Variants in CLYBL observed in about 807,000 individuals in gnomAD.
CLYBL encodes the protein citramalyl-CoA lyase, mitochondrial.
Under a neutral mutation model 38.9 loss-of-function variants are expected in CLYBL, and 31 were observed. That is an observed-to-expected ratio of 0.80 (90% CI 0.60 to 1.08). CLYBL has a LOEUF of 1.08. Ranked by LOEUF, CLYBL falls within the 50% of genes least tolerant of loss-of-function variation. The probability of loss-of-function intolerance (pLI) is 0.00; values close to 1 mark genes in which losing one functional copy is unlikely to be tolerated. For synonymous variants in CLYBL, 171 were observed against 158.6 expected, an observed-to-expected ratio of 1.08 and a Z score of -0.59; for missense variants, 434 against 411.6, an observed-to-expected ratio of 1.05 and a Z score of -0.47.
chr13:99,661,847 T>C (rs556644820), intron 1 of CLYBL, among the ~76,000 whole-genome samples: 77 of 152,306 alleles, frequency 5.1e-4, no homozygotes, highest in African/African-American at 1.9e-3. Context: ...GATGTTAAAA[T>C]AGAATTAACA....
intron 1 of CLYBL, among the ~76,000 whole-genome samples, chr13:99,682,498 A>G (rs1156842812): frequency 6.6e-6 from 1 of 152,148 alleles, no homozygotes; most frequent in Non-Finnish European, 1.5e-5. Context: ...TACAGTAAAA[A>G]TACTGCATAA....
intron 1 of CLYBL, among the ~76,000 whole-genome samples, chr13:99,671,583 C>T (rs533071422): frequency 1.5e-4 from 23 of 152,126 alleles, no homozygotes; most frequent in Admixed American, 3.3e-4. Context: ...AGTTTGAGAC[C>T]GGCCTGGCCA....
At chr13:99,812,533 C>T (rs1003971308) in intron 2 of CLYBL, among the ~76,000 whole-genome samples, 11 of 152,298 alleles carry the variant, frequency 7.2e-5, no homozygotes, top group Non-Finnish European at 1.3e-4. Context: ...CCTCCCTGGA[C>T]CTCATCCATA....
At chr13:99,682,864 G>A (rs546147883) in intron 1 of CLYBL, among the ~76,000 whole-genome samples, 1 of 151,480 alleles carries the variant, frequency 6.6e-6, no homozygotes, top group South Asian at 2.1e-4. Context: ...AGCCTCCTGA[G>A]TAGCTGGCAC....
chr13:99,716,753 A>G (rs1371832015), intron 1 of CLYBL, among the ~76,000 whole-genome samples: 2 of 149,902 alleles, frequency 1.3e-5, no homozygotes, highest in Admixed American at 6.7e-5. Flanking sequence ...ATTATGTGGG[A>G]AACTTTCCCT....
At chr13:99,640,202 G>A (rs1004018726) in intron 1 of CLYBL, among the ~76,000 whole-genome samples, 4 of 152,044 alleles carry the variant, frequency 2.6e-5, no homozygotes, top group African/African-American at 9.7e-5. Flanking sequence ...TTCACACAAA[G>A]CCAATTGAAT....
intron 1 of CLYBL, among the ~76,000 whole-genome samples, chr13:99,610,720 G>A (rs879914042): frequency 2.0e-5 from 3 of 152,132 alleles, no homozygotes; most frequent in African/African-American, 7.2e-5. Flanking sequence ...TTCCTTAGCC[G>A]GTATACAGCC....
intron 1 of CLYBL, among the ~76,000 whole-genome samples, chr13:99,666,244 G>A (rs531315267): frequency 2.0e-5 from 3 of 152,324 alleles, no homozygotes; most frequent in South Asian, 4.1e-4. Context: ...GCAGGGAGGT[G>A]GAGGTGAACA....
At chr13:99,855,582 A>AGT (rs1158849406) in intron 2 of CLYBL, among the ~76,000 whole-genome samples, 1 of 152,176 alleles carries the variant, frequency 6.6e-6, no homozygotes, top group Admixed American at 6.5e-5. Context: ...CAAGAAGTAC[A>AGT]GTGTGTGTGG....
intron 1 of CLYBL, among the ~76,000 whole-genome samples, chr13:99,669,958 C>T (rs953171192): frequency 6.6e-6 from 1 of 151,872 alleles, no homozygotes; most frequent in African/African-American, 2.4e-5. Flanking sequence ...TTTGGAAGGC[C>T]GAGGCAGGCA....
chr13:99,870,645 C>G (rs1187063950), intron 6 of CLYBL, among the ~76,000 whole-genome samples: 1 of 152,126 alleles, frequency 6.6e-6, no homozygotes, highest in Non-Finnish European at 1.5e-5. Context: ...AACAAGCTGC[C>G]TAGTCAGCCC....
intron 1 of CLYBL, among the ~76,000 whole-genome samples, chr13:99,720,001 G>A (rs929260183): frequency 6.6e-6 from 1 of 151,532 alleles, no homozygotes; most frequent in African/African-American, 2.4e-5. Context: ...ATCAAATTTG[G>A]TTTTACTACC....
chr13:99,630,768 C>G (rs536643638), intron 1 of CLYBL, among the ~76,000 whole-genome samples: 1 of 152,074 alleles, frequency 6.6e-6, no homozygotes, highest in African/African-American at 2.4e-5. Context: ...TACAGTCTCC[C>G]GAGCTCTTTC....
At chr13:99,887,139 G>A (rs1331258682) in intron 7 of CLYBL, among the ~76,000 whole-genome samples, 2 of 152,190 alleles carry the variant, frequency 1.3e-5, no homozygotes, top group African/African-American at 4.8e-5. Context: ...AGTTCTCAAC[G>A]TGAATGTGCA....
At position 99,734,566 on chromosome 13, in the gene CLYBL, C is replaced by A. The variant is rs1416782642; in HGVS notation, c.63-38258C>A. Among the ~76,000 whole-genome samples, 4 of 152,134 alleles carry A rather than the reference C, an allele frequency of 2.6e-5. No homozygotes were observed. In the South Asian group the frequency reaches 8.3e-4, roughly 32 times the overall value. On this transcript the variant is annotated intron_variant, in intron 1 of 8. Coordinates refer to ENST00000339105, the MANE Select transcript of CLYBL (RefSeq NM_206808.5). ...ACTTACTGATATCTCTGAATAATAA[C>A]CAGGGCCCATACACGGGGCTGGGAT...
At chr13:99,876,926 G>A (rs1025402885) in intron 7 of CLYBL, among the ~76,000 whole-genome samples, 4 of 152,158 alleles carry the variant, frequency 2.6e-5, no homozygotes, top group Non-Finnish European at 5.9e-5. Flanking sequence ...AGAAACCAAT[G>A]AGGAAAGAGA....
intron 2 of CLYBL, among the ~76,000 whole-genome samples, chr13:99,781,202 G>T (rs574195557): frequency 1.3e-5 from 2 of 148,378 alleles, no homozygotes; most frequent in Admixed American, 1.3e-4. Context: ...ACGGAGTCTC[G>T]CTGTGTCACG....
At chr13:99,857,334 C>T (rs1341555413) in intron 2 of CLYBL, among the ~76,000 whole-genome samples, 2 of 152,018 alleles carry the variant, frequency 1.3e-5, no homozygotes, top group Non-Finnish European at 2.9e-5. Context: ...AGAAGATTTT[C>T]GTATTTAATG....
intron 1 of CLYBL, among the ~76,000 whole-genome samples, chr13:99,683,233 C>T (rs182010559): frequency 1.3e-5 from 2 of 151,290 alleles, no homozygotes; most frequent in Non-Finnish European, 2.9e-5. Flanking sequence ...AGGTGCCCCC[C>T]CCTACACCAG....
Sources: allele counts gnomAD v4.1 joint callset (sites outside exome capture counted in the v4.1 genomes callset), GRCh38; gene constraint gnomAD v4.1.1; transcripts MANE v1.5; gene names NCBI Gene and HGNC (gene_info 2026-07-23, HGNC 2026-07-21).